PCDHA2: variants seen among roughly 807,000 people sequenced by gnomAD.
The protein encoded by PCDHA2 is protocadherin alpha-2.
A neutral mutation model predicts 66.0 loss-of-function variants in PCDHA2; 58 were observed. The ratio of observed to expected loss-of-function variants is 0.88; its 90% CI spans 0.71 to 1.09. The LOEUF (loss-of-function observed/expected upper bound fraction) is 1.09. Ranked by LOEUF, PCDHA2 falls within the 50% of genes least tolerant of loss-of-function variation. The pLI is 0.00. For missense variants in PCDHA2, 1,267 were observed against 1,242.3 expected (o/e 1.02, Z -0.30); for synonymous variants, 634 against 554.0 (o/e 1.14, Z -2.03).
At chr5:140,805,608 T>C in intron 1 of PCDHA2, 5 of 921,526 alleles carry the variant, frequency 5.4e-6, no homozygotes, top group Non-Finnish European at 6.5e-6. Context: ...ATTAAATTTC[T>C]TTATGTAAGA....
chr5:140,806,875 A>C, intron 1 of PCDHA2: 1 of 396,628 alleles, frequency 2.5e-6, no homozygotes. Flanking sequence ...GTACCACAGT[A>C]GTACAAAATG....
At chr5:140,871,014 C>G (rs1554164974) in intron 1 of PCDHA2, 1 of 1,613,178 alleles carries the variant, frequency 6.2e-7, no homozygotes, top group East Asian at 2.2e-5. Context: ...GTGCCCTGGA[C>G]GAGGCAGACT....
chr5:140,808,093 T>C, intron 1 of PCDHA2: 1 of 1,613,984 alleles, frequency 6.2e-7, no homozygotes, highest in Non-Finnish European at 8.5e-7. Flanking sequence ...CTGGACAAAT[T>C]ATTGTAAAGG....
intron 1 of PCDHA2, chr5:140,870,919 CT>C (rs1562653796): frequency 5.6e-6 from 9 of 1,613,952 alleles, no homozygotes; most frequent in Non-Finnish European, 7.6e-6. Flanking sequence ...CAACGCGTGG[CT>C]TTCATATGAA....
chr5:140,949,659 T>A (rs940241933), intron 1 of PCDHA2, among the ~76,000 whole-genome samples: 12 of 151,994 alleles, frequency 7.9e-5, no homozygotes, highest in Middle Eastern at 6.8e-3. Context: ...TACTTTTGTT[T>A]CTTTAAAGTA....
intron 1 of PCDHA2, among the ~76,000 whole-genome samples, chr5:140,947,550 G>A (rs967081376): frequency 7.3e-5 from 11 of 151,402 alleles, no homozygotes; most frequent in Admixed American, 3.9e-4. Flanking sequence ...AAAGAATTCC[G>A]CTGGGATTTA....
At chr5:140,920,239 A>G (rs1584173491) in intron 1 of PCDHA2, among the ~76,000 whole-genome samples, 1 of 152,356 alleles carries the variant, frequency 6.6e-6, no homozygotes, top group Middle Eastern at 3.4e-3. Context: ...TATATACCCA[A>G]CAATACATCG....
chr5:141,010,506 C>A lies in PCDHA2; in HGVS notation c.*569C>A. ...CTTAAAGGGACCAGACTTTCTAAAT[C>A]TTACAACTCAAGAGGTGGCAGCCAC... is the stretch of plus-strand genomic sequence containing the variant. On this transcript the variant is annotated 3_prime_UTR_variant, in exon 4 of 4. Transcript: ENST00000526136. 1 of 549,534 alleles carries A rather than the reference C, an allele frequency of 1.8e-6. No homozygotes were observed. The highest frequency in any genetic ancestry group is 2.9e-6 in the Non-Finnish European group (1 of 344,162). 34.0% of individuals were successfully genotyped at this position (549,534 alleles called of 1,614,324 possible). A position where few individuals can be genotyped will look rare whatever the true frequency, so the allele number is the denominator to read the frequency against.
At chr5:141,000,609 G>A (rs2097951405) in intron 3 of PCDHA2, among the ~76,000 whole-genome samples, 1 of 150,600 alleles carries the variant, frequency 6.6e-6, no homozygotes. Context: ...TGTATTTTTA[G>A]TAGAGACAGG....
intron 1 of PCDHA2, chr5:140,822,981 T>G (rs2150120995): frequency 6.2e-7 from 1 of 1,614,242 alleles, no homozygotes; most frequent in Admixed American, 1.7e-5. Context: ...CCTTCAAGAA[T>G]TACTACTCGT....
chr5:140,964,949 G>A (rs1322269042), intron 1 of PCDHA2, among the ~76,000 whole-genome samples: 1 of 152,226 alleles, frequency 6.6e-6, no homozygotes, highest in Non-Finnish European at 1.5e-5. Flanking sequence ...TAGTGAGTGT[G>A]CTTGGTTGGT....
chr5:141,002,128 C>T (rs1426506599), intron 3 of PCDHA2, among the ~76,000 whole-genome samples: 1 of 152,244 alleles, frequency 6.6e-6, no homozygotes, highest in African/African-American at 2.4e-5. Context: ...ATTTAATAGC[C>T]TTTGCCGGCT....
intron 1 of PCDHA2, among the ~76,000 whole-genome samples, chr5:140,827,171 A>G (rs1444292153): frequency 1.3e-5 from 2 of 152,212 alleles, no homozygotes; most frequent in African/African-American, 4.8e-5. Context: ...AAATACCTCA[A>G]TAAAAGTCTT....
intron 1 of PCDHA2, chr5:140,852,877 T>G: frequency 1.1e-6 from 1 of 942,140 alleles, no homozygotes; most frequent in Non-Finnish European, 1.3e-6. Flanking sequence ...TCAATAATCA[T>G]AAAACGTATT....
Position 140,805,008 on chromosome 5 carries a change from G to A in PCDHA2, c.2388+7656G>A. The stretch of plus-strand genomic sequence containing the variant: ...GTCAGTATTTTAAAAATTTAGTTCT[G>A]TTATCAGCTTCTTGAATATAATAGA... On this transcript the variant is annotated intron_variant, in intron 1 of 3. Coordinates refer to ENST00000526136, the MANE Select transcript of PCDHA2 (RefSeq NM_018905.3). The A allele has an allele frequency of 1.9e-6, 3 of 1,547,302 alleles. No homozygotes were observed. The South Asian group carries it at 3.6e-5, about 19-fold the overall frequency.
chr5:140,884,396 C>CT, intron 1 of PCDHA2: 1 of 1,614,012 alleles, frequency 6.2e-7, no homozygotes, highest in South Asian at 1.1e-5. Flanking sequence ...GGTGTCCAGC[C>CT]TGTTGGTGCT....
At chr5:140,993,831 T>C (rs2097584101) in intron 3 of PCDHA2, among the ~76,000 whole-genome samples, 1 of 152,190 alleles carries the variant, frequency 6.6e-6, no homozygotes, top group South Asian at 2.1e-4. Flanking sequence ...CTATACCATA[T>C]AGCCTAGGTA....
At chr5:140,867,813 C>T (rs1189080463) in intron 1 of PCDHA2, 1 of 152,032 alleles carries the variant, frequency 6.6e-6, no homozygotes, top group Non-Finnish European at 1.5e-5. Context: ...TATGAAATTC[C>T]ATTTCCACAA....
At chr5:140,847,405 A>T (rs2150400080) in intron 1 of PCDHA2, 5 of 149,702 alleles carry the variant, frequency 3.3e-5, no homozygotes, top group African/African-American at 1.2e-4. Context: ...GGCACAATAA[A>T]CACTCACGGT....
Sources: allele counts gnomAD v4.1 joint callset (sites outside exome capture counted in the v4.1 genomes callset), GRCh38; gene constraint gnomAD v4.1.1; transcripts MANE v1.5; gene names NCBI Gene and HGNC (gene_info 2026-07-23, HGNC 2026-07-21).